Variants in KCNMB2 observed in about 807,000 individuals in gnomAD.
The protein encoded by KCNMB2 is potassium calcium-activated channel subfamily M regulatory beta subunit 2.
KCNMB2 carries 9 observed loss-of-function variants against 24.5 expected under a neutral mutation model. That is an observed-to-expected ratio of 0.37 (90% CI 0.22 to 0.64). The LOEUF (loss-of-function observed/expected upper bound fraction) is 0.64, where lower values mean the gene tolerates loss of function less well. Among genes scored for constraint, KCNMB2 ranks in the 30% least tolerant of loss-of-function variants. KCNMB2 has a pLI of 0.63. For synonymous variants in KCNMB2, 109 were observed against 104.4 expected, an observed-to-expected ratio of 1.04 and a Z score of -0.27; for missense variants, 226 against 284.3, an observed-to-expected ratio of 0.79 and a Z score of 1.47.
intron 1 of KCNMB2, among the ~76,000 whole-genome samples, chr3:178,680,299 C>T (rs1374235265): frequency 6.6e-6 from 1 of 152,218 alleles, no homozygotes; most frequent in South Asian, 2.1e-4. Flanking sequence ...CTAGGGAGGC[C>T]CAGAGGTCTC....
chr3:178,767,469 C>T (rs924474371), intron 1 of KCNMB2, among the ~76,000 whole-genome samples: 3 of 152,140 alleles, frequency 2.0e-5, no homozygotes, highest in Non-Finnish European at 4.4e-5. Context: ...TAGATTTCAA[C>T]TTTATGATAT....
intron 1 of KCNMB2, among the ~76,000 whole-genome samples, chr3:178,545,977 A>G (rs896850386): frequency 2.6e-5 from 4 of 152,196 alleles, no homozygotes; most frequent in African/African-American, 9.6e-5. Flanking sequence ...GCTTGGGAAC[A>G]GCCATGTGAG....
chr3:178,828,064 A>T, intron 3 of KCNMB2, 114 bp from the exon 4 acceptor site: 1 of 795,166 alleles, frequency 1.3e-6, no homozygotes, highest in Non-Finnish European at 2.1e-6. Flanking sequence ...AGATCATATT[A>T]GAGATTTAGA....
intron 1 of KCNMB2, among the ~76,000 whole-genome samples, chr3:178,757,999 CTAGATATATATATATATATAT>C (rs773863250): frequency 0.88 from 42,875 of 48,884 alleles, 18,778 homozygotes; most frequent in East Asian, 0.97. Flanking sequence ...ATATATATAT[CTAGATATATATATATATATAT>C]CTAGAGGATA....
intron 1 of KCNMB2, among the ~76,000 whole-genome samples, chr3:178,722,178 C>T (rs1008205522): frequency 5.9e-5 from 9 of 151,890 alleles, no homozygotes; most frequent in Non-Finnish European, 4.4e-5. Flanking sequence ...TAGCTTTTAC[C>T]TATCATATAT....
chr3:178,683,877 C>T (rs1045404257), intron 1 of KCNMB2, among the ~76,000 whole-genome samples: 1 of 152,072 alleles, frequency 6.6e-6, no homozygotes, highest in Non-Finnish European at 1.5e-5. Context: ...ATAGGTGCAG[C>T]CATTATGAAG....
At chr3:178,747,013 T>A (rs1298907040) in intron 1 of KCNMB2, 1 of 152,596 alleles carries the variant, frequency 6.6e-6, no homozygotes, top group Non-Finnish European at 1.5e-5. Flanking sequence ...CAATGTTGCT[T>A]CCACATTTTC....
intron 2 of KCNMB2, among the ~76,000 whole-genome samples, chr3:178,821,918 C>T (rs1188868546): frequency 2.0e-5 from 3 of 152,134 alleles, no homozygotes; most frequent in African/African-American, 7.2e-5. Flanking sequence ...CTGTCCTTTG[C>T]CAACACTACA....
intron 1 of KCNMB2, among the ~76,000 whole-genome samples, chr3:178,796,605 C>T (rs530448709): frequency 2.7e-4 from 41 of 152,122 alleles, no homozygotes; most frequent in African/African-American, 7.5e-4. Context: ...AGAGGAATTT[C>T]GGAAACTATA....
chr3:178,710,652 G>A (rs764387127), intron 1 of KCNMB2, among the ~76,000 whole-genome samples: 24 of 152,200 alleles, frequency 1.6e-4, no homozygotes, highest in Non-Finnish European at 3.2e-4. Flanking sequence ...GTGTGTGTGC[G>A]TGTCTCTGTG....
intron 4 of KCNMB2, among the ~76,000 whole-genome samples, chr3:178,836,062 T>C (rs866544224): frequency 1.3e-5 from 2 of 152,126 alleles, no homozygotes; most frequent in Non-Finnish European, 2.9e-5. Flanking sequence ...CTTGAAGTGA[T>C]CTGAGAAATG....
At chr3:178,803,808 G>A (rs1713863099) in intron 1 of KCNMB2, among the ~76,000 whole-genome samples, 2 of 152,118 alleles carry the variant, frequency 1.3e-5, no homozygotes, top group African/African-American at 4.8e-5. Context: ...GAAGGCAGAA[G>A]GAATGGCCGA....
At chr3:178,634,903 G>A (rs1475017320) in intron 1 of KCNMB2, among the ~76,000 whole-genome samples, 2 of 152,140 alleles carry the variant, frequency 1.3e-5, no homozygotes, top group Non-Finnish European at 2.9e-5. Context: ...GTCATGCCAG[G>A]CCTAGGGTAA....
chr3:178,686,771 A>G (rs1287011840), intron 1 of KCNMB2, among the ~76,000 whole-genome samples: 2 of 152,156 alleles, frequency 1.3e-5, no homozygotes, highest in African/African-American at 2.4e-5. Context: ...CCAAATAATC[A>G]AAGAGGAAAA....
At chr3:178,698,705 T>C (rs1407799706) in intron 1 of KCNMB2, among the ~76,000 whole-genome samples, 1 of 152,278 alleles carries the variant, frequency 6.6e-6, no homozygotes, top group East Asian at 1.9e-4. Context: ...CATTTTTTAG[T>C]TTTCAGACTT....
intron 1 of KCNMB2, among the ~76,000 whole-genome samples, chr3:178,746,645 G>GCCTTTAAA (rs2108383535): frequency 1.3e-5 from 2 of 152,222 alleles, no homozygotes; most frequent in East Asian, 3.9e-4. Context: ...TTAAAAAACT[G>GCCTTTAAA]AATGCCTTTA....
intron 1 of KCNMB2, among the ~76,000 whole-genome samples, chr3:178,606,028 T>C (rs1036040439): frequency 3.2e-4 from 48 of 152,130 alleles, no homozygotes; most frequent in African/African-American, 1.1e-3. Context: ...GGGCATAAAC[T>C]GTAGATTTAA....
At chr3:178,743,623 G>A (rs144701639) in intron 1 of KCNMB2, among the ~76,000 whole-genome samples, 11 of 152,292 alleles carry the variant, frequency 7.2e-5, no homozygotes, top group South Asian at 4.1e-4. Context: ...TCTCTGCGTC[G>A]TGTTGATCAC....
chr3:178,759,468 GAT>G lies in KCNMB2; in HGVS notation c.-67-47856_-67-47855del, dbSNP rs1274470512. Among the ~76,000 whole-genome samples the G allele has an allele frequency of 5.4e-3, 117 of 21,714 alleles. 9 individuals are homozygous for G. Among genetic ancestry groups the G allele is most frequent in the African/African-American group, 0.023 (66 of 2,856 alleles). The allele number at this position is 21,714 out of a possible 152,430, so 14.2% of individuals were successfully genotyped here. On this transcript the variant is annotated intron_variant, in intron 1 of 4. Transcript: ENST00000452583. ...ATATATATATATATATCTCCAAGAGGATATATATATATATATATATCTCCAAG... is the reference window on the plus strand; with the variant it reads ...ATATATATATATATATCTCCAAGAGGATATATATATATATATATCTCCAAG...
Sources: gnomAD v4.1 joint callset for allele counts (sites outside exome capture counted in the v4.1 genomes callset) on GRCh38, gnomAD v4.1.1 for gene constraint, MANE v1.5 for transcripts, NCBI Gene and HGNC (gene_info 2026-07-23, HGNC 2026-07-21) for gene names.